DGKQ: variants seen among roughly 807,000 people sequenced by gnomAD.
The protein encoded by DGKQ is diacylglycerol kinase theta, also known as DAG kinase theta.
Under a neutral mutation model 104.2 loss-of-function variants are expected in DGKQ, and 97 were observed. The ratio of observed to expected loss-of-function variants is 0.93; its 90% CI spans 0.79 to 1.10. The LOEUF (loss-of-function observed/expected upper bound fraction) is 1.10. Among genes scored for constraint, DGKQ ranks in the 50% least tolerant of loss-of-function variants. The probability of loss-of-function intolerance (pLI) is 0.00; values close to 1 mark genes in which losing one functional copy is unlikely to be tolerated. For missense variants in DGKQ, 1,465 were observed against 1,352.1 expected, an observed-to-expected ratio of 1.08 and a Z score of -1.31; for synonymous variants, 736 against 595.2, an observed-to-expected ratio of 1.24 and a Z score of -3.44.
At chr4:962,279 C>T (rs925922648) in intron 18 of DGKQ, among the ~76,000 whole-genome samples, 156 bp downstream of exon 18, 1 of 152,230 alleles carries the variant, frequency 6.6e-6, no homozygotes, top group Non-Finnish European at 1.5e-5. Flanking sequence ...CCAGCAGTGG[C>T]TACTTTCTGT....
At chr4:962,182 C>T in intron 18 of DGKQ, 100 bp from the exon 19 acceptor site, 3 of 1,109,700 alleles carry the variant, frequency 2.7e-6, no homozygotes, top group Non-Finnish European at 4.0e-6. Context: ...GAGCAAGGAC[C>T]ACCCTGGCAC....
rs892934718 is a variant in DGKQ at position 962,940 on chromosome 4, G to C, written c.1887-20C>G. On this transcript the variant is annotated intron_variant, in intron 16 of 22. Coordinates refer to ENST00000273814, the MANE Select transcript of DGKQ (RefSeq NM_001347.4). ...TGGAGCCTAGCGGGAGACAGGAAGT[G>C]TCCTCTACCAGCTGCGGGCGCAGCC... 3.7e-6 allele frequency: 6 copies of C among 1,600,640 alleles called. No individual in the cohort carries two copies. The highest frequency in any genetic ancestry group is 5.1e-6 in the Non-Finnish European group (6 of 1,174,664).
rs1711847609 is a variant in DGKQ at position 961,072 on chromosome 4, T to A, written c.2704A>T (p.Ile902Phe). 6.2e-7 allele frequency: 1 copy of A among 1,612,060 alleles called. No individual in the cohort carries two copies. Among genetic ancestry groups the A allele is most frequent in the Non-Finnish European group, 8.5e-7 (1 of 1,179,596 alleles). The change falls in exon 22 of 23, where the codon ATC (isoleucine) becomes TTC (phenylalanine). Residue 902 changes from isoleucine to phenylalanine, a missense_variant. Physicochemically the swap from Ile to Phe is conservative, Grantham distance 21. Transcript: ENST00000273814. ...EPWVQAPGHM[I>F]ISAAGPKVHM... ...ACCTTAGGGCCAGCAGCTGAGATGA[T>A]CATGTGCCCCGGGGCCTGGACCCAG...
intron 22 of DGKQ, 25 bp downstream of exon 22, chr4:961,024 G>C (rs1199862208): frequency 1.9e-6 from 3 of 1,610,410 alleles, no homozygotes; most frequent in East Asian, 2.2e-5. Flanking sequence ...CACCTCCCCT[G>C]GCTCTCCAGC....
At chr4:966,664 A>G in intron 11 of DGKQ, 84 bp downstream of exon 11, 4 of 1,517,510 alleles carry the variant, frequency 2.6e-6, no homozygotes, top group Non-Finnish European at 2.7e-6. Context: ...GATGTCCGGC[A>G]CCACCCTGCA....
Position 962,521 on chromosome 4 carries a change from C to G in DGKQ, c.2128G>C (p.Val710Leu). 6.2e-7 allele frequency: 1 copy of G among 1,610,006 alleles called. No individual in the cohort carries two copies. Among genetic ancestry groups the G allele is most frequent in the Non-Finnish European group, 8.5e-7 (1 of 1,179,906 alleles). Residue 710 changes from valine (V) to leucine (L), a missense_variant, in exon 18 of 23, where the codon GTG (valine) becomes CTG (leucine). Val to Leu is a conservative substitution (Grantham distance 32, BLOSUM62 1). Coordinates refer to ENST00000273814, the MANE Select transcript of DGKQ (RefSeq NM_001347.4). ...VLLSVDEADA[V>L]LMDRWTILLD... ...AGGATGGTCCAGCGGTCCATGAGCA[C>G]GGCGTCGGCCTCGTCCACAGACAGC...
At chr4:962,156 C>T (rs901042609) in intron 18 of DGKQ, 74 bp from the exon 19 acceptor site, 18 of 1,347,804 alleles carry the variant, frequency 1.3e-5, no homozygotes, top group Admixed American at 1.7e-5. Flanking sequence ...ACAGCTCTGC[C>T]GGCAGGCAGA....
At position 960,745 on chromosome 4, in the gene DGKQ, G is replaced by A. The variant is rs181922370; in HGVS notation, c.2728-24C>T. On this transcript the variant is annotated intron_variant, in intron 22 of 22. Transcript: ENST00000273814. The stretch of plus-strand genomic sequence containing the variant: ...ACCTGTCCCAGGGCAGGGGACAGAG[G>A]ACCAGGGTGACATGGCCGATGAAAG... 7.8e-5 allele frequency: 125 copies of A among 1,608,194 alleles called. 1 individual carries two copies. In the African/African-American group the frequency reaches 1.4e-3, roughly 18 times the overall value.
At position 968,309 on chromosome 4, in the gene DGKQ, G is replaced by T; in HGVS notation, c.636C>A (p.Gly212=). The change falls in exon 5 of 23, where the codon GGC becomes GGA. Residue 212 remains glycine (G), a synonymous_variant. Coordinates refer to ENST00000273814, the MANE Select transcript of DGKQ (RefSeq NM_001347.4). ...GGACCCCGCACCACTCGCAGCGCAC[G>T]CCGGCCAGCACGTCAGAGGAGCCGC... ...KTCGSSDVLA[G]VRCEWCGVQA... 2.7e-6 allele frequency: 3 copies of T among 1,119,338 alleles called. No homozygotes were observed. The highest frequency in any genetic ancestry group is 3.3e-6 in the Non-Finnish European group (3 of 903,216). The allele number at this position is 1,119,338 out of a possible 1,614,324, so 69.3% of individuals were successfully genotyped here.
intron 2 of DGKQ, among the ~76,000 whole-genome samples, chr4:969,744 G>C (rs902275083): frequency 6.6e-5 from 10 of 151,848 alleles, no homozygotes; most frequent in African/African-American, 2.4e-4. Flanking sequence ...CGAGTAGCTG[G>C]GACTACAGGC....
At chr4:972,549 C>T (rs1713013800) in intron 1 of DGKQ, among the ~76,000 whole-genome samples, 1 of 147,980 alleles carries the variant, frequency 6.8e-6, no homozygotes, top group African/African-American at 2.6e-5. Context: ...TCCCTCGCTC[C>T]CTCCAGAGGC....
At chr4:964,168 GC>G (rs1030111231) in intron 15 of DGKQ, 1 of 154,626 alleles carries the variant, frequency 6.5e-6, no homozygotes, top group African/African-American at 2.4e-5. Flanking sequence ...TGGGGTGGGG[GC>G]TGCATCCTCG....
rs760653371 is a variant in DGKQ, at chr4:961,482, C to T, written c.2559G>A (p.Thr853=). 2.1e-5 allele frequency: 34 copies of T among 1,602,064 alleles called. No individual in the cohort carries two copies. Among genetic ancestry groups the T allele is most frequent in the African/African-American group, 2.7e-5 (2 of 74,550 alleles). The change falls in exon 21 of 23, where the codon ACG becomes ACA. Residue 853 remains threonine, a synonymous_variant. Transcript: ENST00000273814. ...DDGLLEVVGV[T]GVVHMGQVQG... ...GGCGGCTCACCATGTGCACGACGCC[C>T]GTCACGCCCACAACCTCCAGCAGCC...
rs1712248860 is a variant in DGKQ, at chr4:965,597, C to T, written c.1580-68G>A. 5.8e-6 allele frequency: 9 copies of T among 1,548,368 alleles called. No homozygotes were observed. The South Asian group carries it at 1.0e-4, about 18-fold the overall frequency. On this transcript the variant is annotated intron_variant, in intron 13 of 22. Coordinates refer to ENST00000273814, the MANE Select transcript of DGKQ (RefSeq NM_001347.4). ...CACACAGCACTGGGGCCAGGGACAG[C>T]CCCTCCGCCTGTCCAGGGGTGACAT... is the stretch of plus-strand genomic sequence containing the variant.
chr4:967,477 G>T, intron 8 of DGKQ, 72 bp downstream of exon 8: 1 of 1,525,098 alleles, frequency 6.6e-7, no homozygotes, highest in Non-Finnish European at 8.9e-7. Flanking sequence ...GGGGGAGCCA[G>T]GTCAGGTGCG....
rs376562399 is a variant in DGKQ, at chr4:966,711, C to T, written c.1366+37G>A. 6.0e-5 allele frequency: 95 copies of T among 1,587,812 alleles called. No homozygotes were observed. The South Asian group carries it at 9.9e-4, about 17-fold the overall frequency. On this transcript the variant is annotated intron_variant, in intron 11 of 22. Transcript: ENST00000273814. ...GCAGCAGGTCCAAACCCAAAAGGTG[C>T]AGGGACCGCCACGCCCAGCACGGGC...
chr4:967,499 G>GAC (rs1301283360), intron 8 of DGKQ, 50 bp downstream of exon 8: 1 of 1,574,730 alleles, frequency 6.4e-7, no homozygotes, highest in Non-Finnish European at 8.7e-7. Context: ...CAGGTGCGGG[G>GAC]ACATGCGGTC....
intron 5 of DGKQ, 25 bp downstream of exon 5, chr4:968,246 GCCCCACCCCCA>G: frequency 1.3e-6 from 1 of 765,214 alleles, no homozygotes; most frequent in Non-Finnish European, 1.9e-6. Context: ...CACCTCTCCT[GCCCCACCCCCA>G]CCCCCTCGAC....
In DGKQ at chr4:961,947, C is replaced by T. The variant is rs182977139; in HGVS notation, c.2315+35G>A. On this transcript the variant is annotated intron_variant, in intron 19 of 22. Coordinates refer to ENST00000273814, the MANE Select transcript of DGKQ (RefSeq NM_001347.4). ...TGCTGGGGGACCTGAGGGAGGTATG[C>T]CGTTGACAGGTGGTAGCCCCTGCGG... The T allele has an allele frequency of 2.3e-4, 373 of 1,610,934 alleles. 2 individuals carry two copies. The East Asian group carries it at 5.0e-3, about 22-fold the overall frequency.
Sources: allele counts gnomAD v4.1 joint callset (sites outside exome capture counted in the v4.1 genomes callset), GRCh38; gene constraint gnomAD v4.1.1; transcripts MANE v1.5; gene names NCBI Gene and HGNC (gene_info 2026-07-23, HGNC 2026-07-21).